Variants in GLUD1 observed in about 807,000 individuals in gnomAD.
GLUD1 encodes the protein glutamate dehydrogenase 1, mitochondrial.
A neutral mutation model predicts 56.0 loss-of-function variants in GLUD1; 22 were observed. That is an observed-to-expected ratio of 0.39 (90% CI 0.28 to 0.56). The LOEUF (loss-of-function observed/expected upper bound fraction) is 0.56. Among genes scored for constraint, GLUD1 ranks in the 20% least tolerant of loss-of-function variants. The pLI is 0.58. For synonymous variants in GLUD1, 223 were observed against 269.9 expected, an observed-to-expected ratio of 0.83 and a Z score of 1.70; for missense variants, 451 against 732.0, an observed-to-expected ratio of 0.62 and a Z score of 4.43.
intron 1 of GLUD1, among the ~76,000 whole-genome samples, chr10:87,087,937 T>C (rs1027073596): frequency 2.6e-5 from 4 of 151,990 alleles, no homozygotes; most frequent in African/African-American, 7.3e-5. Flanking sequence ...AAAAATCAGC[T>C]AGGTGAGGTG....
chr10:87,059,365 A>G, intron 9 of GLUD1, 92 bp from the exon 10 acceptor site: 1 of 1,228,892 alleles, frequency 8.1e-7, no homozygotes, highest in Non-Finnish European at 1.2e-6. Context: ...ATACCAAGGT[A>G]GACTGGACTT....
intron 1 of GLUD1, among the ~76,000 whole-genome samples, chr10:87,092,857 G>C (rs941272093): frequency 6.6e-6 from 1 of 152,116 alleles, no homozygotes; most frequent in Non-Finnish European, 1.5e-5. Context: ...ATCCTTATTT[G>C]CCTTTCTTTG....
chr10:87,074,408 A>C, intron 4 of GLUD1, 143 bp downstream of exon 4: 21 of 660,250 alleles, frequency 3.2e-5, no homozygotes, highest in East Asian at 1.1e-4. Flanking sequence ...GGCTGAGACA[A>C]GAGAATTGCT....
At chr10:87,076,166 T>C (rs1589373040) in intron 2 of GLUD1, 143 bp from the exon 3 acceptor site, 3 of 721,750 alleles carry the variant, frequency 4.2e-6, no homozygotes, top group Non-Finnish European at 7.4e-6. Context: ...CATCATTTTC[T>C]AAACTGTACT....
intron 6 of GLUD1, among the ~76,000 whole-genome samples, chr10:87,061,541 A>G (rs900013453): frequency 6.6e-6 from 1 of 152,068 alleles, no homozygotes; most frequent in Admixed American, 6.6e-5. Context: ...GGTGTTAAGT[A>G]CACCACCAGG....
intron 1 of GLUD1, among the ~76,000 whole-genome samples, chr10:87,090,964 C>T (rs775381260): frequency 3.3e-5 from 5 of 152,070 alleles, no homozygotes; most frequent in Non-Finnish European, 4.4e-5. Flanking sequence ...AGGCTGAGGG[C>T]GTCTTTAACA....
chr10:87,053,195 A>G, intron 12 of GLUD1, 147 bp downstream of exon 12: 1 of 690,002 alleles, frequency 1.4e-6, no homozygotes, highest in Non-Finnish European at 2.7e-6. Context: ...CTGAGACTGA[A>G]AAAACATGTG....
intron 1 of GLUD1, among the ~76,000 whole-genome samples, chr10:87,081,649 C>T (rs1165014087): frequency 5.9e-5 from 9 of 152,104 alleles, no homozygotes; most frequent in African/African-American, 9.7e-5. Flanking sequence ...GACCTTACCC[C>T]GCAACCCTGT....
intron 1 of GLUD1, chr10:87,093,874 A>G: frequency 8.1e-7 from 1 of 1,239,734 alleles, no homozygotes; most frequent in Non-Finnish European, 1.1e-6. Context: ...TCACTATTGG[A>G]ACAGGAGTGA....
Position 87,094,619 on chromosome 10 carries a change from G to A in GLUD1, c.151C>T (p.Arg51Cys). 1 of 1,610,092 alleles carries A rather than the reference G, an allele frequency of 6.2e-7. No homozygotes were observed. The highest frequency in any genetic ancestry group is 8.5e-7 in the Non-Finnish European group (1 of 1,179,402). ...TCGGCCACCGCCTCGCTGTAGTGGC[G>A]CCGGGCGGCCAATGCCAGCCCCGGC... ...PQPGLALAAR[R>C]HYSEAVADRE... is the part of the protein sequence containing the mutation. Residue 51 changes from arginine (R) to cysteine (C), a missense_variant, in exon 1 of 13, where the codon CGC (arginine) becomes TGC (cysteine). Coordinates refer to ENST00000277865, the MANE Select transcript of GLUD1 (RefSeq NM_005271.5). This position sits in a 1 kb window ranked among gnomAD's most constrained non-coding sequence, Gnocchi z 6.6.
At position 87,094,292 on chromosome 10, in the gene GLUD1, G is replaced by C. The variant is rs770422052; in HGVS notation, c.445+33C>G. ...GGAGGGGAGGGCCGCAGGGGAGGCA[G>C]GGAGGGCGGGACGGGGCCCGGCCGA... On this transcript the variant is annotated intron_variant, in intron 1 of 12. Transcript: ENST00000277865. The surrounding 1 kb of genome is among the most constrained non-coding windows in gnomAD (Gnocchi z 6.6). 20 of 1,572,566 alleles carry C rather than the reference G, an allele frequency of 1.3e-5. No individual in the cohort carries two copies. The highest frequency in any genetic ancestry group is 1.1e-5 in the Non-Finnish European group (13 of 1,160,298).
At chr10:87,076,089 C>T (rs1473005297) in intron 2 of GLUD1, 66 bp from the exon 3 acceptor site, 1 of 1,080,326 alleles carries the variant, frequency 9.3e-7, no homozygotes, top group Non-Finnish European at 1.4e-6. Context: ...ACAGAAAGCA[C>T]CACACAATAT....
chr10:87,089,568 G>A (rs780623210), intron 1 of GLUD1: 2 of 973,468 alleles, frequency 2.1e-6, no homozygotes, highest in Non-Finnish European at 2.4e-6. Flanking sequence ...TGACCTTGGT[G>A]AAGGCAGTTG....
chr10:87,061,104 G>T (rs1845918551), intron 6 of GLUD1, 52 bp from the exon 7 acceptor site: 2 of 1,496,832 alleles, frequency 1.3e-6, no homozygotes, highest in Non-Finnish European at 1.9e-6. Flanking sequence ...GGTATAGACA[G>T]CAAGAGTCAT....
At chr10:87,076,687 G>T (rs777138312) in intron 1 of GLUD1, 31 bp from the exon 2 acceptor site, 3 of 1,295,672 alleles carry the variant, frequency 2.3e-6, no homozygotes, top group Non-Finnish European at 3.4e-6. Context: ...ATGTGTTGGG[G>T]TGGGTGAGAA....
intron 1 of GLUD1, among the ~76,000 whole-genome samples, chr10:87,082,866 G>A (rs1264865606): frequency 1.3e-5 from 2 of 152,128 alleles, no homozygotes; most frequent in African/African-American, 4.8e-5. Context: ...TCCTTCTCTG[G>A]GTTTGGAAAC....
rs1845866976 is a variant in GLUD1, at chr10:87,059,226, C to T, written c.1326G>A (p.Trp442Ter). Residue 442 changes from tryptophan (W) to a stop codon, truncating the protein, a stop_gained, in exon 10 of 13, where the codon TGG becomes TGA. Coordinates refer to ENST00000277865, the MANE Select transcript of GLUD1 (RefSeq NM_005271.5). LOFTEE classifies it high-confidence loss of function. ...AGGVTVSYFE[W>*]LKNLNHVSYG... ...AGCTGACATGATTTAGATTCTTCAGCCACTCAAAGTAAGATACTGTCACTC... is the reference window on the plus strand; with the variant it reads ...AGCTGACATGATTTAGATTCTTCAGTCACTCAAAGTAAGATACTGTCACTC... 6.2e-7 allele frequency: 1 copy of T among 1,613,762 alleles called. No individual in the cohort carries two copies. The highest frequency in any genetic ancestry group is 8.5e-7 in the Non-Finnish European group (1 of 1,179,856).
chr10:87,079,948 C>T (rs1429898004), intron 1 of GLUD1, among the ~76,000 whole-genome samples: 2 of 132,560 alleles, frequency 1.5e-5, no homozygotes, highest in Non-Finnish European at 3.1e-5. Context: ...CTCCCTCTCC[C>T]CACGGTCTCC....
intron 1 of GLUD1, among the ~76,000 whole-genome samples, chr10:87,081,066 TG>T (rs548135773): frequency 3.1e-5 from 3 of 96,118 alleles, no homozygotes; most frequent in African/African-American, 1.3e-4. Context: ...GGGAGGGAGG[TG>T]GGGGGGTCAG....
Sources: gnomAD v4.1 joint callset for allele counts (sites outside exome capture counted in the v4.1 genomes callset) on GRCh38, gnomAD v4.1.1 for gene constraint, Gnocchi (gnomAD v3.1) non-coding constraint, MANE v1.5 for transcripts, NCBI Gene and HGNC (gene_info 2026-07-23, HGNC 2026-07-21) for gene names.